Variants in GADL1 observed in about 807,000 individuals in gnomAD.
GADL1 encodes GAD like acidic amino acid decarboxylase 1.
A neutral mutation model predicts 69.5 loss-of-function variants in GADL1; 71 were observed. The observed-to-expected ratio is 1.02, with a 90% confidence interval of 0.84 to 1.25. The LOEUF is 1.25. Ranked by LOEUF, GADL1 falls within the 50% of genes most tolerant of loss-of-function variation. The pLI, the probability that GADL1 is intolerant of heterozygous loss-of-function variation, is 0.00. For missense variants in GADL1, 737 were observed against 631.8 expected, an observed-to-expected ratio of 1.17 and a Z score of -1.79; for synonymous variants, 254 against 214.4, an observed-to-expected ratio of 1.18 and a Z score of -1.62.
In GADL1 at chr3:30,786,356, T is replaced by A; in HGVS notation, c.1301A>T (p.Glu434Val). 2 of 1,554,198 alleles carry A rather than the reference T, an allele frequency of 1.3e-6. No individual in the cohort carries two copies. The highest frequency in any genetic ancestry group is 2.2e-5 in the South Asian group (2 of 89,616). ...AAGCACAATTATGCAATCACTTACT[T>A]CCATCAGTAACTTGAATCCTTCTCT... ...KKREGFKLLM[E>V]PEYANICFWY... The change falls in exon 13 of 15, where the codon GAA becomes GTA. Residue 434 changes from glutamate to valine, a missense_variant and splice_region_variant. Transcript: ENST00000282538.
chr3:30,891,136 C>A (rs1246209777), intron 1 of GADL1, among the ~76,000 whole-genome samples: 1 of 152,038 alleles, frequency 6.6e-6, no homozygotes, highest in East Asian at 1.9e-4. Context: ...ATGGATTCAT[C>A]TGTCATGATC....
intron 14 of GADL1, among the ~76,000 whole-genome samples, chr3:30,746,521 C>T (rs768412220): frequency 3.9e-5 from 6 of 152,262 alleles, no homozygotes; most frequent in Non-Finnish European, 5.9e-5. Context: ...GCATAAAAAA[C>T]AGCACTAGGG....
rs1399522719 is a variant in GADL1, at chr3:30,888,384, G to T, written c.37+6194C>A. On this transcript the variant is annotated intron_variant, in intron 1 of 14. Transcript: ENST00000282538. Reference sequence around the variant, plus strand: ...TGTGCATACCTCATAATTCAAAAAAGTTTAATAAACAGAAAACAGAATCAC... The same window carrying T: ...TGTGCATACCTCATAATTCAAAAAATTTTAATAAACAGAAAACAGAATCAC... Among the ~76,000 whole-genome samples, 4 of 152,244 alleles carry T rather than the reference G, an allele frequency of 2.6e-5. No individual in the cohort carries two copies. The East Asian group carries it at 7.7e-4, about 29-fold the overall frequency.
At chr3:30,773,834 TATA>T (rs753391335) in intron 14 of GADL1, among the ~76,000 whole-genome samples, 1 of 152,244 alleles carries the variant, frequency 6.6e-6, no homozygotes, top group African/African-American at 2.4e-5. Context: ...TGATATGTTT[TATA>T]ATGTTGCTTT....
At chr3:30,758,035 T>A (rs1181721187) in intron 14 of GADL1, among the ~76,000 whole-genome samples, 2 of 152,212 alleles carry the variant, frequency 1.3e-5, no homozygotes, top group South Asian at 2.1e-4. Context: ...ACTAATTTTA[T>A]AGACGAAACT....
At chr3:30,856,949 G>A (rs1698238073) in intron 3 of GADL1, 66 bp downstream of exon 3, 6 of 1,363,804 alleles carry the variant, frequency 4.4e-6, no homozygotes, top group South Asian at 2.6e-5. Flanking sequence ...ACTCAGCTTT[G>A]AGAGGCTTTG....
At chr3:30,763,045 TTA>T (rs771540826) in intron 14 of GADL1, among the ~76,000 whole-genome samples, 1 of 152,200 alleles carries the variant, frequency 6.6e-6, no homozygotes, top group African/African-American at 2.4e-5. Flanking sequence ...GGGAGTGCAG[TTA>T]TCTCTTCCAT....
In GADL1 at chr3:30,890,172, A is replaced by G. The variant is rs952347170; in HGVS notation, c.37+4406T>C. On this transcript the variant is annotated intron_variant, in intron 1 of 14. Coordinates refer to ENST00000282538, the MANE Select transcript of GADL1 (RefSeq NM_207359.3). ...TTCAAGGAGGCAAAGGTGAATATAA[A>G]CTTAAGATTTAAATGCAAAAATGAA... Among the ~76,000 whole-genome samples, 392 of 152,206 alleles carry G rather than the reference A, an allele frequency of 2.6e-3. 20 individuals are homozygous for G. The highest frequency in any genetic ancestry group is 0.026 in the Admixed American group (392 of 15,270).
chr3:30,824,939 A>G (rs1287658315), intron 11 of GADL1, among the ~76,000 whole-genome samples: 1 of 151,880 alleles, frequency 6.6e-6, no homozygotes, highest in Non-Finnish European at 1.5e-5. Context: ...TATACTTCAT[A>G]ATTTTAATTT....
intron 14 of GADL1, among the ~76,000 whole-genome samples, chr3:30,757,715 TCA>T (rs1696012700): frequency 6.6e-6 from 1 of 152,118 alleles, no homozygotes; most frequent in African/African-American, 2.4e-5. Context: ...ATTCACAAAA[TCA>T]CAAGAATTTG....
intron 14 of GADL1, among the ~76,000 whole-genome samples, chr3:30,762,478 C>T (rs1559491605): frequency 6.6e-6 from 1 of 152,108 alleles, no homozygotes; most frequent in Non-Finnish European, 1.5e-5. Context: ...TTATAATAAA[C>T]TTTTAACTTT....
At position 30,786,388 on chromosome 3, in the gene GADL1, G is replaced by C; in HGVS notation, c.1269C>G (p.Ile423Met). Reference protein sequence around the residue: ...LALSRYLVDEIKKREGFKLLM... With the variant: ...LALSRYLVDEMKKREGFKLLM... ...GTAACTTGAATCCTTCTCTTTTCTT[G>C]ATTTCATCTACTAGGTACCTAAAAT... is the stretch of plus-strand genomic sequence containing the variant. The change falls in exon 13 of 15, where the codon ATC becomes ATG. Residue 423 changes from isoleucine (I) to methionine (M), a missense_variant. Physicochemically the swap from Ile to Met is conservative, Grantham distance 10. Transcript: ENST00000282538. 3.3e-6 allele frequency: 5 copies of C among 1,516,244 alleles called. No homozygotes were observed. Among genetic ancestry groups the C allele is most frequent in the Non-Finnish European group, 3.7e-6 (4 of 1,093,166 alleles). The allele number at this position is 1,516,244 out of a possible 1,614,324, so 93.9% of individuals were successfully genotyped here. A position where few individuals can be genotyped will look rare whatever the true frequency, so the allele number is the denominator to read the frequency against.
chr3:30,743,702 A>G (rs138049099), intron 14 of GADL1, among the ~76,000 whole-genome samples: 1 of 152,296 alleles, frequency 6.6e-6, no homozygotes, highest in Non-Finnish European at 1.5e-5. Context: ...TAAATGTGAG[A>G]CTGATTGTTA....
In GADL1 at chr3:30,849,699, A is replaced by G. The variant is rs368305516; in HGVS notation, c.651+297T>C. 4.6e-5 allele frequency among the ~76,000 whole-genome samples: 7 copies of G among 152,292 alleles called. No individual in the cohort carries two copies. The East Asian group carries it at 1.2e-3, about 25-fold the overall frequency. On this transcript the variant is annotated intron_variant, in intron 6 of 14. Coordinates refer to ENST00000282538, the MANE Select transcript of GADL1 (RefSeq NM_207359.3). ...GATCCACAGTGTTCATCTAAGTACT[A>G]ACAAATAAGACATTCAAAAAAAGAG... is the stretch of plus-strand genomic sequence containing the variant.
intron 12 of GADL1, among the ~76,000 whole-genome samples, chr3:30,793,406 G>A (rs1222682133): frequency 6.6e-6 from 1 of 151,960 alleles, no homozygotes; most frequent in South Asian, 2.1e-4. Context: ...CTTATACATG[G>A]TGCAAGCCGG....
chr3:30,735,658 C>G (rs1210788291), intron 14 of GADL1, among the ~76,000 whole-genome samples: 1 of 152,132 alleles, frequency 6.6e-6, no homozygotes, highest in Non-Finnish European at 1.5e-5. Flanking sequence ...TACAAAGGGT[C>G]AGTCCTAGGG....
At chr3:30,799,145 G>GA (rs1697110584) in intron 12 of GADL1, 1 of 152,254 alleles carries the variant, frequency 6.6e-6, no homozygotes, top group Non-Finnish European at 1.5e-5. Context: ...CCCCAGTAGG[G>GA]ACTCTGTGTG....
intron 11 of GADL1, among the ~76,000 whole-genome samples, chr3:30,812,190 A>G (rs761255464): frequency 2.0e-5 from 3 of 152,212 alleles, no homozygotes; most frequent in Non-Finnish European, 4.4e-5. Flanking sequence ...GTCCATGCTG[A>G]AGTCTTAATC....
intron 11 of GADL1, among the ~76,000 whole-genome samples, chr3:30,824,431 G>A (rs7646511): frequency 0.27 from 40,375 of 151,408 alleles, 6,504 homozygotes; most frequent in African/African-American, 0.42. Flanking sequence ...TCCTAAATGT[G>A]GTCTTCAAGA....
Sources: gnomAD v4.1 joint callset for allele counts (sites outside exome capture counted in the v4.1 genomes callset) on GRCh38, gnomAD v4.1.1 for gene constraint, MANE v1.5 for transcripts, NCBI Gene and HGNC (gene_info 2026-07-23, HGNC 2026-07-21) for gene names.